TCAIM: variants seen among roughly 807,000 people sequenced by gnomAD.
TCAIM encodes the protein T-cell activation inhibitor, mitochondrial.
In TCAIM, 36 loss-of-function variants were observed where a neutral mutation model predicts 58.6. The ratio of observed to expected loss-of-function variants is 0.61; its 90% CI spans 0.47 to 0.81. The LOEUF (loss-of-function observed/expected upper bound fraction) is 0.81. TCAIM is among the 30% of genes least tolerant of loss of function. The pLI is 0.00. For missense variants in TCAIM, 466 were observed against 579.6 expected (o/e 0.80, Z 2.01); for synonymous variants, 172 against 193.6 (o/e 0.89, Z 0.93).
At chr3:44,389,236 G>A (rs1223195219) in intron 5 of TCAIM, among the ~76,000 whole-genome samples, 2 of 152,222 alleles carry the variant, frequency 1.3e-5, no homozygotes, top group Admixed American at 1.3e-4. Context: ...GTTGCAGCGA[G>A]CCGAGATCGT....
At chr3:44,407,409 C>G (rs1445131754) in intron 10 of TCAIM, 33 bp from the exon 11 acceptor site, 3 of 1,337,470 alleles carry the variant, frequency 2.2e-6, no homozygotes, top group Non-Finnish European at 3.1e-6. Flanking sequence ...AATATTTGTT[C>G]TTATGACAAT....
At chr3:44,365,589 A>G (rs184171012) in intron 4 of TCAIM, among the ~76,000 whole-genome samples, 1 of 152,242 alleles carries the variant, frequency 6.6e-6, no homozygotes, top group African/African-American at 2.4e-5. Context: ...CAGCCTTCCA[A>G]AGTGGTGGGA....
intron 3 of TCAIM, among the ~76,000 whole-genome samples, chr3:44,360,601 T>C (rs1701280413): frequency 6.6e-6 from 1 of 151,934 alleles, no homozygotes; most frequent in Admixed American, 6.6e-5. Flanking sequence ...TATAATCTTT[T>C]TTTTTTTTTA....
chr3:44,357,984 A>G, intron 3 of TCAIM, 108 bp downstream of exon 3: 1 of 1,418,246 alleles, frequency 7.1e-7, no homozygotes, highest in Non-Finnish European at 9.4e-7. Flanking sequence ...TGTTGTGGTG[A>G]TATAATCAAT....
At chr3:44,398,106 G>A (rs919036189) in intron 8 of TCAIM, among the ~76,000 whole-genome samples, 8 of 151,846 alleles carry the variant, frequency 5.3e-5, no homozygotes, top group Middle Eastern at 3.4e-3. Flanking sequence ...CAAAGAGAAC[G>A]TACAGATGAC....
In TCAIM at chr3:44,386,479, C is replaced by T. The variant is rs114522051; in HGVS notation, c.573-6376C>T. The stretch of plus-strand genomic sequence containing the variant: ...TCCTACTGAATTGGTAGGGTGGGAG[C>T]CCCATGCTCCCTGGTGCAGCTGCAG... On this transcript the variant is annotated intron_variant, in intron 5 of 10. Coordinates refer to ENST00000342649, the MANE Select transcript of TCAIM (RefSeq NM_173826.4). Among the ~76,000 whole-genome samples, 1,170 of 152,294 alleles carry T rather than the reference C, an allele frequency of 7.7e-3. 16 individuals carry two copies. The highest frequency in any genetic ancestry group is 0.027 in the African/African-American group (1,129 of 41,556).
chr3:44,382,492 A>G (rs1340079401), intron 5 of TCAIM, among the ~76,000 whole-genome samples: 1 of 152,228 alleles, frequency 6.6e-6, no homozygotes, highest in Non-Finnish European at 1.5e-5. Context: ...TGCCAAGACC[A>G]CTGAATGGGG....
intron 1 of TCAIM, among the ~76,000 whole-genome samples, chr3:44,343,156 T>C (rs1438007467): frequency 6.7e-6 from 1 of 149,666 alleles, no homozygotes; most frequent in South Asian, 2.1e-4. Flanking sequence ...AAAGAAGAAA[T>C]GTTTTGGTGT....
At chr3:44,374,296 T>A (rs1414220570) in intron 5 of TCAIM, among the ~76,000 whole-genome samples, 1 of 151,766 alleles carries the variant, frequency 6.6e-6, no homozygotes, top group East Asian at 1.9e-4. Flanking sequence ...CTTTTTTTTT[T>A]TTTTTATTTT....
intron 5 of TCAIM, among the ~76,000 whole-genome samples, chr3:44,373,760 T>C (rs1701520549): frequency 6.6e-6 from 1 of 152,226 alleles, no homozygotes; most frequent in South Asian, 2.1e-4. Flanking sequence ...GAAATGCTGT[T>C]CCGTGTTGTC....
At chr3:44,343,753 C>G (rs1260656485) in intron 1 of TCAIM, among the ~76,000 whole-genome samples, 1 of 152,168 alleles carries the variant, frequency 6.6e-6, no homozygotes, top group Non-Finnish European at 1.5e-5. Context: ...ACCTAATTCT[C>G]AACCTGTCAT....
chr3:44,393,069 A>G, intron 6 of TCAIM, 92 bp downstream of exon 6: 1 of 1,100,152 alleles, frequency 9.1e-7, no homozygotes, highest in Admixed American at 2.1e-5. Context: ...TTGCATCTTT[A>G]ATTGCTCTGA....
intron 8 of TCAIM, among the ~76,000 whole-genome samples, chr3:44,398,421 CTG>C (rs1227358431): frequency 9.1e-6 from 1 of 110,056 alleles, no homozygotes; most frequent in Non-Finnish European, 2.0e-5. Context: ...CACAGCGAGA[CTG>C]TGTCTCAAAT....
chr3:44,339,186 T>G (rs1700801608), intron 1 of TCAIM, among the ~76,000 whole-genome samples: 1 of 152,120 alleles, frequency 6.6e-6, no homozygotes, highest in Non-Finnish European at 1.5e-5. Flanking sequence ...TTTCTTTGCC[T>G]TTTTCCCCTA....
At chr3:44,384,449 G>A (rs1701702179) in intron 5 of TCAIM, among the ~76,000 whole-genome samples, 1 of 152,168 alleles carries the variant, frequency 6.6e-6, no homozygotes, top group South Asian at 2.1e-4. Flanking sequence ...GATAATAAAA[G>A]ACTCATCTTT....
intron 5 of TCAIM, among the ~76,000 whole-genome samples, chr3:44,382,179 G>A (rs12490088): frequency 0.022 from 3,409 of 152,220 alleles, 285 homozygotes; most frequent in East Asian, 0.21. Flanking sequence ...TGAAAAAGAA[G>A]AGCAAAGCTG....
At chr3:44,361,248 AT>A in intron 3 of TCAIM, 116 bp from the exon 4 acceptor site, 1 of 925,148 alleles carries the variant, frequency 1.1e-6, no homozygotes, top group South Asian at 3.1e-5. Flanking sequence ...AAATCCCAAC[AT>A]TTTTAAATAC....
chr3:44,342,115 T>G (rs1700866435), intron 1 of TCAIM, among the ~76,000 whole-genome samples: 1 of 152,212 alleles, frequency 6.6e-6, no homozygotes, highest in Non-Finnish European at 1.5e-5. Context: ...TAATTTTTCT[T>G]TTTTATAAAA....
At chr3:44,348,290 T>G (rs1208536760) in intron 1 of TCAIM, among the ~76,000 whole-genome samples, 1 of 152,228 alleles carries the variant, frequency 6.6e-6, no homozygotes, top group African/African-American at 2.4e-5. Context: ...CTTCAGCCAC[T>G]AAGCTGAGAA....
Sources: allele counts gnomAD v4.1 joint callset (sites outside exome capture counted in the v4.1 genomes callset), GRCh38; gene constraint gnomAD v4.1.1; transcripts MANE v1.5; gene names NCBI Gene and HGNC (gene_info 2026-07-23, HGNC 2026-07-21).